RIT2: variants seen among roughly 807,000 people sequenced by gnomAD.
RIT2 encodes Ras like without CAAX 2.
In RIT2, 24 loss-of-function variants were observed where a neutral mutation model predicts 23.7. The observed-to-expected ratio is 1.01, with a 90% CI of 0.73 to 1.43. RIT2 has a LOEUF of 1.43. RIT2 is among the 40% of genes most tolerant of loss of function. The pLI is 0.00. For synonymous variants in RIT2, 107 were observed against 91.1 expected (o/e 1.17, Z -0.99); for missense variants, 236 against 266.9 (o/e 0.88, Z 0.81).
intron 3 of RIT2, among the ~76,000 whole-genome samples, chr18:42,951,771 A>G (rs927637173): frequency 1.3e-5 from 2 of 152,086 alleles, no homozygotes; most frequent in Non-Finnish European, 2.9e-5. Context: ...ATGTCCATTC[A>G]TGGAATAATG....
chr18:43,111,273 T>C (rs1212200412), intron 1 of RIT2, among the ~76,000 whole-genome samples: 1 of 152,080 alleles, frequency 6.6e-6, no homozygotes, highest in Non-Finnish European at 1.5e-5. Flanking sequence ...ATGGAGATAG[T>C]AGAATGATGG....
intron 4 of RIT2, among the ~76,000 whole-genome samples, chr18:42,834,165 C>G (rs1287499557): frequency 2.0e-5 from 3 of 152,132 alleles, no homozygotes; most frequent in Non-Finnish European, 4.4e-5. Flanking sequence ...AAACAAAAGG[C>G]AAAAACTCAT....
At chr18:42,999,367 T>C (rs1568051632) in intron 2 of RIT2, among the ~76,000 whole-genome samples, 1 of 152,082 alleles carries the variant, frequency 6.6e-6, no homozygotes, top group African/African-American at 2.4e-5. Flanking sequence ...CAATCCTAGA[T>C]GGTCCTGTTT....
chr18:42,751,305 C>G (rs1913039853), intron 4 of RIT2, among the ~76,000 whole-genome samples: 1 of 151,666 alleles, frequency 6.6e-6, no homozygotes, highest in African/African-American at 2.4e-5. Context: ...TCCATAAATT[C>G]TTTAAGTGTT....
chr18:42,910,585 G>A (rs1260794033), intron 4 of RIT2, among the ~76,000 whole-genome samples: 2 of 152,116 alleles, frequency 1.3e-5, no homozygotes, highest in Non-Finnish European at 2.9e-5. Context: ...AGGAACAGAA[G>A]AGTGGCAAAG....
chr18:42,859,558 C>A lies in RIT2; in HGVS notation c.426+64014G>T, dbSNP rs1181566171. ...TGAAGAGTTTTTGATCTGGTACGTC[C>A]AATTTAATTTGATAAATCCTAGTTT... On this transcript the variant is annotated intron_variant, in intron 4 of 4. Coordinates refer to ENST00000326695, the MANE Select transcript of RIT2 (RefSeq NM_002930.4). 2.0e-5 allele frequency among the ~76,000 whole-genome samples: 3 copies of A among 152,118 alleles called. No homozygotes were observed. In the East Asian group the frequency reaches 5.8e-4, roughly 29 times the overall value.
At chr18:42,969,671 CAA>C (rs780059662) in intron 3 of RIT2, among the ~76,000 whole-genome samples, 13 of 105,574 alleles carry the variant, frequency 1.2e-4, no homozygotes, top group Admixed American at 2.0e-4. Flanking sequence ...GTTAGCATTT[CAA>C]AAAAAAAAAA....
intron 1 of RIT2, among the ~76,000 whole-genome samples, chr18:43,045,366 T>C (rs1418963291): frequency 6.6e-6 from 1 of 152,192 alleles, no homozygotes; most frequent in Non-Finnish European, 1.5e-5. Flanking sequence ...GAATTAACAT[T>C]GTTATCATTT....
rs546775192 is a variant in RIT2 at position 42,970,019 on chromosome 18, G to C, written c.234+4055C>G. Among the ~76,000 whole-genome samples the C allele has an allele frequency of 1.1e-4, 17 of 151,890 alleles. No homozygotes were observed. The East Asian group carries it at 3.3e-3, about 29-fold the overall frequency. On this transcript the variant is annotated intron_variant, in intron 3 of 4. Transcript: ENST00000326695. Reference sequence around the variant, plus strand: ...TTTTCTTGACCTATTGCAGTTCTTGGTACACACTAAGTTATTCCATAAAAA... The same window carrying C: ...TTTTCTTGACCTATTGCAGTTCTTGCTACACACTAAGTTATTCCATAAAAA...
At chr18:43,059,626 T>C (rs1912595540) in intron 1 of RIT2, among the ~76,000 whole-genome samples, 1 of 152,196 alleles carries the variant, frequency 6.6e-6, no homozygotes. Flanking sequence ...TGGACACTGA[T>C]GAAATATCTC....
At chr18:42,799,092 A>C (rs1905454825) in intron 4 of RIT2, among the ~76,000 whole-genome samples, 1 of 152,250 alleles carries the variant, frequency 6.6e-6, no homozygotes, top group Non-Finnish European at 1.5e-5. Flanking sequence ...GGAGGGAATT[A>C]TTCTGAAAAA....
chr18:42,892,354 A>G (rs1033774050), intron 4 of RIT2, among the ~76,000 whole-genome samples: 8 of 152,352 alleles, frequency 5.3e-5, no homozygotes, highest in South Asian at 2.1e-4. Context: ...AGAAGTTCTC[A>G]TGAATTAATG....
intron 4 of RIT2, among the ~76,000 whole-genome samples, chr18:42,775,940 A>G (rs1913661742): frequency 3.3e-5 from 5 of 152,136 alleles, no homozygotes; most frequent in African/African-American, 9.6e-5. Context: ...TCCCAGTACT[A>G]TTGAGTAAAA....
intron 4 of RIT2, among the ~76,000 whole-genome samples, chr18:42,856,672 T>A (rs775891318): frequency 6.6e-6 from 1 of 152,036 alleles, no homozygotes; most frequent in Non-Finnish European, 1.5e-5. Flanking sequence ...AAGAGCAAGC[T>A]CCTTAAAATC....
At chr18:42,934,889 T>G (rs1909413809) in intron 3 of RIT2, among the ~76,000 whole-genome samples, 1 of 152,130 alleles carries the variant, frequency 6.6e-6, no homozygotes, top group South Asian at 2.1e-4. Flanking sequence ...ACAGAACTAT[T>G]GTTATTATTT....
intron 1 of RIT2, among the ~76,000 whole-genome samples, chr18:43,114,260 G>A (rs897063390): frequency 2.6e-5 from 4 of 151,912 alleles, no homozygotes; most frequent in African/African-American, 9.7e-5. Flanking sequence ...ATTCTCTTTT[G>A]TAGGGTGAGG....
intron 4 of RIT2, among the ~76,000 whole-genome samples, chr18:42,763,321 G>A (rs1278619709): frequency 5.3e-5 from 8 of 152,114 alleles, no homozygotes; most frequent in African/African-American, 1.4e-4. Flanking sequence ...AATTAGCTGG[G>A]TGTGGTGGCA....
chr18:42,991,173 G>A (rs192862178), intron 2 of RIT2, among the ~76,000 whole-genome samples: 1 of 152,246 alleles, frequency 6.6e-6, no homozygotes, highest in Non-Finnish European at 1.5e-5. Context: ...CCATGATTGA[G>A]ACAGAAGCAG....
At chr18:42,868,006 A>T (rs755171374) in intron 4 of RIT2, among the ~76,000 whole-genome samples, 5 of 152,194 alleles carry the variant, frequency 3.3e-5, no homozygotes, top group Admixed American at 1.3e-4. Flanking sequence ...TACTTCAAGG[A>T]GTATTTTCCA....
Sources: gnomAD v4.1 joint callset for allele counts (sites outside exome capture counted in the v4.1 genomes callset) on GRCh38, gnomAD v4.1.1 for gene constraint, MANE v1.5 for transcripts, NCBI Gene and HGNC (gene_info 2026-07-23, HGNC 2026-07-21) for gene names.